The following DCDC1 variants were observed in gnomAD, a reference collection of about 807,000 sequenced individuals.
DCDC1 encodes doublecortin domain-containing protein 1.
A neutral mutation model predicts 178.3 loss-of-function variants in DCDC1; 200 were observed. The ratio of observed to expected loss-of-function variants is 1.12; its 90% CI spans 1.00 to 1.26. The LOEUF is 1.26. Among genes scored for constraint, DCDC1 ranks in the 50% most tolerant of loss-of-function variants. DCDC1 has a pLI of 0.00. For missense variants in DCDC1, 1,983 were observed against 1,749.2 expected, an observed-to-expected ratio of 1.13 and a Z score of -2.38; for synonymous variants, 690 against 604.8, an observed-to-expected ratio of 1.14 and a Z score of -2.07.
At chr11:31,119,253 C>T (rs986781275) in intron 11 of DCDC1, among the ~76,000 whole-genome samples, 14 of 152,178 alleles carry the variant, frequency 9.2e-5, no homozygotes, top group Non-Finnish European at 1.8e-4. Flanking sequence ...ATCTTCATTA[C>T]ATTTTGCCCA....
Position 31,079,741 on chromosome 11 carries a change from G to A in DCDC1, c.2238-1816C>T, listed in dbSNP as rs145524768. Reference sequence around the variant, plus strand: ...TAATATCAGAAGTGAAGTGTATGAAGTAGAGAAAACTACAAAAATATTATA... The same window carrying A: ...TAATATCAGAAGTGAAGTGTATGAAATAGAGAAAACTACAAAAATATTATA... On this transcript the variant is annotated intron_variant, in intron 17 of 38. Transcript: ENST00000684477. Among the ~76,000 whole-genome samples, 300 of 152,200 alleles carry A rather than the reference G, an allele frequency of 2.0e-3. 1 individual carries two copies. Among genetic ancestry groups the A allele is most frequent in the African/African-American group, 7.0e-3 (289 of 41,510 alleles).
intron 20 of DCDC1, among the ~76,000 whole-genome samples, chr11:30,995,045 T>C (rs1373348848): frequency 1.3e-5 from 2 of 151,848 alleles, no homozygotes; most frequent in African/African-American, 2.4e-5. Flanking sequence ...ATAAAAATCC[T>C]AGAGTTAGTA....
intron 9 of DCDC1, among the ~76,000 whole-genome samples, chr11:31,189,530 A>T (rs899615493): frequency 3.3e-5 from 5 of 152,208 alleles, no homozygotes; most frequent in African/African-American, 1.2e-4. Flanking sequence ...CAAATTAATT[A>T]TCTGAAAGCT....
chr11:30,973,210 T>C, intron 20 of DCDC1, among the ~76,000 whole-genome samples: 1 of 141,514 alleles, frequency 7.1e-6, no homozygotes, highest in Non-Finnish European at 1.5e-5. Context: ...AGGTGGCAGT[T>C]AAAGAGTGAG....
At chr11:31,080,612 A>G (rs1050082597) in intron 17 of DCDC1, among the ~76,000 whole-genome samples, 10 of 152,210 alleles carry the variant, frequency 6.6e-5, no homozygotes, top group African/African-American at 2.4e-4. Flanking sequence ...ACCCTGAATG[A>G]AGAAATAACA....
chr11:30,988,980 G>A (rs1156674438), intron 20 of DCDC1, among the ~76,000 whole-genome samples: 2 of 152,176 alleles, frequency 1.3e-5, no homozygotes, highest in African/African-American at 4.8e-5. Context: ...TGCAGAGGTT[G>A]AAACTGGAGC....
intron 20 of DCDC1, among the ~76,000 whole-genome samples, chr11:31,029,831 C>T (rs1348844033): frequency 6.6e-6 from 1 of 152,066 alleles, no homozygotes; most frequent in African/African-American, 2.4e-5. Context: ...ATTATTGATA[C>T]AGATATTTAC....
chr11:31,075,420 G>C lies in DCDC1; in HGVS notation c.2298+2445C>G, dbSNP rs970182336. ...TGGGTAGATATCCAGTAGTGGGATTGCCGGATGAAATGGTAGTTCTATCTT... is the reference window on the plus strand; with the variant it reads ...TGGGTAGATATCCAGTAGTGGGATTCCCGGATGAAATGGTAGTTCTATCTT... On this transcript the variant is annotated intron_variant, in intron 18 of 38. Coordinates refer to ENST00000684477, the MANE Select transcript of DCDC1 (RefSeq NM_001387274.1). Among the ~76,000 whole-genome samples the C allele has an allele frequency of 1.5e-4, 23 of 152,064 alleles. 1 individual carries two copies. Among genetic ancestry groups the C allele is most frequent in the Admixed American group, 1.4e-3 (21 of 15,256 alleles).
chr11:31,211,483 C>T (rs1467529543), intron 9 of DCDC1, among the ~76,000 whole-genome samples: 5 of 152,184 alleles, frequency 3.3e-5, no homozygotes, highest in African/African-American at 9.6e-5. Context: ...AGTTGTGAGG[C>T]CTAGGGATTT....
chr11:31,212,837 G>A (rs1412279218), intron 9 of DCDC1, among the ~76,000 whole-genome samples: 1 of 152,018 alleles, frequency 6.6e-6, no homozygotes, highest in Admixed American at 6.5e-5. Context: ...CTGTGTACAA[G>A]GACATTAACT....
intron 9 of DCDC1, among the ~76,000 whole-genome samples, chr11:31,189,427 A>G (rs1278232592): frequency 1.3e-5 from 2 of 152,162 alleles, no homozygotes; most frequent in Non-Finnish European, 2.9e-5. Context: ...TTTTTTCATA[A>G]TACCTTCTTA....
chr11:30,976,372 A>AACAATC (rs1950102416), intron 20 of DCDC1, among the ~76,000 whole-genome samples: 1 of 152,196 alleles, frequency 6.6e-6, no homozygotes, highest in Non-Finnish European at 1.5e-5. Flanking sequence ...CAGCAAAGTA[A>AACAATC]ACAATCAACA....
chr11:31,281,002 T>C, intron 7 of DCDC1: 1 of 584,956 alleles, frequency 1.7e-6, no homozygotes. Context: ...AATTCCCTTT[T>C]TCGTCACAAC....
At chr11:31,259,336 A>C (rs1944628616) in intron 8 of DCDC1, among the ~76,000 whole-genome samples, 1 of 152,110 alleles carries the variant, frequency 6.6e-6, no homozygotes, top group South Asian at 2.1e-4. Flanking sequence ...CTGGGCAACA[A>C]GAGCGAGACT....
intron 9 of DCDC1, among the ~76,000 whole-genome samples, chr11:31,139,773 A>G (rs769177496): frequency 4.6e-5 from 7 of 152,008 alleles, no homozygotes; most frequent in Admixed American, 1.3e-4. Flanking sequence ...AAAAAAAATC[A>G]CCTCCACTCT....
chr11:31,108,612 G>A (rs1959004199), intron 12 of DCDC1, among the ~76,000 whole-genome samples: 1 of 152,170 alleles, frequency 6.6e-6, no homozygotes, highest in African/African-American at 2.4e-5. Context: ...ACAAAGAAGA[G>A]GGATGCGAGG....
At chr11:31,313,077 A>G (rs955689907) in intron 3 of DCDC1, among the ~76,000 whole-genome samples, 1 of 151,924 alleles carries the variant, frequency 6.6e-6, no homozygotes, top group African/African-American at 2.4e-5. Flanking sequence ...ATTAAAACCT[A>G]CTGGTTCTGT....
chr11:31,039,818 T>C (rs1170402416), intron 20 of DCDC1, among the ~76,000 whole-genome samples: 2 of 152,132 alleles, frequency 1.3e-5, no homozygotes, highest in East Asian at 3.9e-4. Flanking sequence ...CTTAAAACAG[T>C]ACCTGGCTCG....
intron 20 of DCDC1, among the ~76,000 whole-genome samples, chr11:30,983,264 G>T (rs1007104834): frequency 2.0e-4 from 31 of 152,170 alleles, no homozygotes; most frequent in African/African-American, 7.5e-4. Context: ...ATAATCAGAA[G>T]TGTTTCCCAT....
Sources: gnomAD v4.1 joint callset for allele counts (sites outside exome capture counted in the v4.1 genomes callset) on GRCh38, gnomAD v4.1.1 for gene constraint, MANE v1.5 for transcripts, NCBI Gene and HGNC (gene_info 2026-07-23, HGNC 2026-07-21) for gene names.